LAMA2: variants seen among roughly 807,000 people sequenced by gnomAD.
The protein encoded by LAMA2 is laminin subunit alpha 2, also known as laminin subunit alpha-2.
Under a neutral mutation model 364.8 loss-of-function variants are expected in LAMA2, and 269 were observed. That is an observed-to-expected ratio of 0.74 (90% CI 0.67 to 0.82). The LOEUF is 0.82. LAMA2 is among the 40% of genes least tolerant of loss of function. LAMA2 has a pLI of 0.00. For missense variants in LAMA2, 3,807 were observed against 3,873.2 expected, an observed-to-expected ratio of 0.98 and a Z score of 0.45; for synonymous variants, 1,379 against 1,370.6, an observed-to-expected ratio of 1.01 and a Z score of -0.14.
intron 3 of LAMA2, among the ~76,000 whole-genome samples, chr6:129,094,342 G>A (rs1775040273): frequency 6.6e-6 from 1 of 152,128 alleles, no homozygotes; most frequent in South Asian, 2.1e-4. Context: ...AATGAAAGAG[G>A]GATATTGTTT....
At chr6:129,367,140 C>G (rs1435360604) in intron 33 of LAMA2, among the ~76,000 whole-genome samples, 2 of 152,160 alleles carry the variant, frequency 1.3e-5, no homozygotes, top group African/African-American at 4.8e-5. Flanking sequence ...TTGATAAACA[C>G]TGTTCTAAAT....
chr6:129,503,489 C>T (rs534057792), intron 60 of LAMA2, among the ~76,000 whole-genome samples: 77 of 152,330 alleles, frequency 5.1e-4, no homozygotes, highest in African/African-American at 1.8e-3. Flanking sequence ...CATGCCTCAT[C>T]ATGGTTCCAT....
chr6:129,418,119 T>C (rs1780893804), intron 40 of LAMA2, among the ~76,000 whole-genome samples: 1 of 152,160 alleles, frequency 6.6e-6, no homozygotes. Flanking sequence ...ACCCTCTTGC[T>C]CTCAGAAGAG....
intron 1 of LAMA2, among the ~76,000 whole-genome samples, chr6:128,900,768 G>T (rs563749236): frequency 1.3e-5 from 2 of 152,128 alleles, no homozygotes; most frequent in African/African-American, 2.4e-5. Context: ...GGATAAGATT[G>T]CCTCTTTACT....
intron 12 of LAMA2, among the ~76,000 whole-genome samples, chr6:129,200,446 A>G (rs1166525163): frequency 6.7e-6 from 1 of 150,160 alleles, no homozygotes; most frequent in African/African-American, 2.4e-5. Context: ...ATATACATAT[A>G]TGTATATATA....
At chr6:129,454,398 TGTAA>T in intron 47 of LAMA2, 110 bp downstream of exon 47, 6 of 801,956 alleles carry the variant, frequency 7.5e-6, no homozygotes, top group Non-Finnish European at 1.0e-5. Flanking sequence ...TGTGTATGCA[TGTAA>T]ACACATGTGT....
At chr6:129,059,215 T>C (rs1788710521) in intron 2 of LAMA2, among the ~76,000 whole-genome samples, 1 of 152,196 alleles carries the variant, frequency 6.6e-6, no homozygotes, top group Admixed American at 6.5e-5. Context: ...GCATGCTATA[T>C]TTTCGGGTAT....
chr6:129,358,290 G>C (rs959555486), intron 32 of LAMA2, among the ~76,000 whole-genome samples: 8 of 151,986 alleles, frequency 5.3e-5, no homozygotes, highest in African/African-American at 1.9e-4. Flanking sequence ...AGTCTCAGTG[G>C]TTTGTATATT....
chr6:129,465,001 C>G, intron 50 of LAMA2, 144 bp from the exon 51 acceptor site: 2 of 720,668 alleles, frequency 2.8e-6, no homozygotes, highest in Admixed American at 4.4e-5. Context: ...AACACCAATT[C>G]TATTTTCAAA....
At position 129,267,138 on chromosome 6, in the gene LAMA2, C is replaced by T; in HGVS notation, c.2241C>T (p.Gly747=). The change falls in exon 16 of 65, where the codon GGC becomes GGT. Residue 747 remains glycine, a synonymous_variant. Coordinates refer to ENST00000421865, the MANE Select transcript of LAMA2 (RefSeq NM_000426.4). ...GGCCTAGGCACAGGCGAGTTAACGGCACTATTTTTGGTGGCATCTGTGAGC... is the reference window on the plus strand; with the variant it reads ...GGCCTAGGCACAGGCGAGTTAACGGTACTATTTTTGGTGGCATCTGTGAGC... The part of the protein sequence containing the change: ...SCWPRHRRVN[G]TIFGGICEPC... 1.9e-6 allele frequency: 3 copies of T among 1,613,170 alleles called. No individual in the cohort carries two copies. The highest frequency in any genetic ancestry group is 2.5e-6 in the Non-Finnish European group (3 of 1,179,290).
chr6:129,100,719 T>A (rs1321604427), intron 4 of LAMA2, among the ~76,000 whole-genome samples: 1 of 152,178 alleles, frequency 6.6e-6, no homozygotes, highest in East Asian at 1.9e-4. Flanking sequence ...GTAGAAAGAA[T>A]CCTAATTCTG....
rs141292787 is a variant in LAMA2, at chr6:129,494,131, TCA to T, written c.8244+1651_8244+1652del. 2.6e-3 allele frequency among the ~76,000 whole-genome samples: 395 copies of T among 152,306 alleles called. 2 individuals are homozygous for T. The highest frequency in any genetic ancestry group is 9.0e-3 in the African/African-American group (373 of 41,580). ...CTTATCACCAATACAACAAAGATGG[TCA>T]CAGTCACTACACTCTTTACAGCTCA... On this transcript the variant is annotated intron_variant, in intron 58 of 64. Transcript: ENST00000421865.
intron 43 of LAMA2, among the ~76,000 whole-genome samples, chr6:129,442,467 C>G (rs1171103764): frequency 6.6e-6 from 1 of 152,048 alleles, no homozygotes; most frequent in African/African-American, 2.4e-5. Context: ...TGAATGAAAA[C>G]AAAATTTTAA....
In LAMA2 at chr6:128,969,553, C is replaced by T. The variant is rs147632774; in HGVS notation, c.113-80365C>T. ...TCAAGCGATCCTCCTGCCTCAGCCA[C>T]GAGAGTAGCTGGGATTACAGATTCA... is the stretch of plus-strand genomic sequence containing the variant. On this transcript the variant is annotated intron_variant, in intron 1 of 64. Coordinates refer to ENST00000421865, the MANE Select transcript of LAMA2 (RefSeq NM_000426.4). 3.4e-3 allele frequency among the ~76,000 whole-genome samples: 510 copies of T among 152,082 alleles called. 1 individual carries two copies. Among genetic ancestry groups the T allele is most frequent in the Middle Eastern group, 0.01 (3 of 294 alleles).
At chr6:128,997,961 A>G (rs1054217053) in intron 1 of LAMA2, among the ~76,000 whole-genome samples, 14 of 152,104 alleles carry the variant, frequency 9.2e-5, no homozygotes, top group African/African-American at 2.9e-4. Context: ...GCCAGGAAGG[A>G]GAGAGTGAAA....
At position 129,406,239 on chromosome 6, in the gene LAMA2, G is replaced by C. The variant is rs556481168; in HGVS notation, c.5865+2280G>C. ...TAGACAATCAAGAATCACACTGAAAGGAAAATATGAGTGAGAAGGAAGTGG... is the reference window on the plus strand; with the variant it reads ...TAGACAATCAAGAATCACACTGAAACGAAAATATGAGTGAGAAGGAAGTGG... On this transcript the variant is annotated intron_variant, in intron 40 of 64. Transcript: ENST00000421865. Among the ~76,000 whole-genome samples the C allele has an allele frequency of 3.9e-5, 6 of 152,196 alleles. No homozygotes were observed. The South Asian group carries it at 1.2e-3, about 32-fold the overall frequency.
intron 34 of LAMA2, among the ~76,000 whole-genome samples, chr6:129,382,048 T>A (rs972990222): frequency 6.6e-6 from 1 of 152,214 alleles, no homozygotes; most frequent in Non-Finnish European, 1.5e-5. Context: ...AAAATCCACT[T>A]ACGTATATTT....
chr6:129,081,091 T>C (rs1774021339), intron 3 of LAMA2, among the ~76,000 whole-genome samples: 1 of 152,134 alleles, frequency 6.6e-6, no homozygotes, highest in South Asian at 2.1e-4. Flanking sequence ...ATGTCCTTTG[T>C]AGGGATATGG....
chr6:129,143,092 C>T (rs1271746583), intron 4 of LAMA2, among the ~76,000 whole-genome samples: 24 of 151,926 alleles, frequency 1.6e-4, no homozygotes, highest in Admixed American at 1.6e-3. Flanking sequence ...CCTGTGAGAG[C>T]CTGCCAGCCT....
Sources: allele counts gnomAD v4.1 joint callset (sites outside exome capture counted in the v4.1 genomes callset), GRCh38; gene constraint gnomAD v4.1.1; transcripts MANE v1.5; gene names NCBI Gene and HGNC (gene_info 2026-07-23, HGNC 2026-07-21).